The following MYOT variants were observed in gnomAD, a reference collection of about 807,000 sequenced individuals.
MYOT encodes the protein 57 kDa cytoskeletal protein.
Under a neutral mutation model 58.0 loss-of-function variants are expected in MYOT, and 36 were observed. The observed-to-expected ratio is 0.62, with a 90% CI of 0.48 to 0.82. The LOEUF (loss-of-function observed/expected upper bound fraction) is 0.82, where lower values mean the gene tolerates loss of function less well. Ranked by LOEUF, MYOT falls within the 40% of genes least tolerant of loss-of-function variation. The pLI, the probability that MYOT is intolerant of heterozygous loss-of-function variation, is 0.00. For missense variants in MYOT, 505 were observed against 592.1 expected, an observed-to-expected ratio of 0.85 and a Z score of 1.53; for synonymous variants, 218 against 204.6, an observed-to-expected ratio of 1.07 and a Z score of -0.56.
chr5:137,870,618 TA>T lies in MYOT; in HGVS notation c.-32del. The T allele has an allele frequency of 1.3e-6, 2 of 1,564,088 alleles. No individual in the cohort carries two copies. Among genetic ancestry groups the T allele is most frequent in the Non-Finnish European group, 8.8e-7 (1 of 1,134,608 alleles). ...TTCCAGGAACAAATCATTATAGTAA[TA>T]ATTTGCCTTCATCTTCCATATACCA... On this transcript the variant is annotated 5_prime_UTR_variant, in exon 2 of 10. Coordinates refer to ENST00000239926, the MANE Select transcript of MYOT (RefSeq NM_006790.3).
intron 2 of MYOT, among the ~76,000 whole-genome samples, chr5:137,873,550 A>G (rs918161059): frequency 6.6e-6 from 1 of 152,128 alleles, no homozygotes; most frequent in African/African-American, 2.4e-5. Flanking sequence ...CCGTCTCAAA[A>G]AAAAAAAAGT....
Position 137,872,201 on chromosome 5 carries a change from G to A in MYOT, c.356+1194G>A, listed in dbSNP as rs562553672. On this transcript the variant is annotated intron_variant, in intron 2 of 9. Coordinates refer to ENST00000239926, the MANE Select transcript of MYOT (RefSeq NM_006790.3). ...ACCTACAAAAATGGCATTCTCACAG[G>A]TTTAACCTAATATTTTAAAAGGATG... 3.9e-5 allele frequency among the ~76,000 whole-genome samples: 6 copies of A among 152,204 alleles called. No individual in the cohort carries two copies. In the South Asian group the frequency reaches 1.2e-3, roughly 32 times the overall value.
rs762111360 is a variant in MYOT at position 137,870,822 on chromosome 5, A to C, written c.171A>C (p.Thr57=). 5 of 1,613,972 alleles carry C rather than the reference A, an allele frequency of 3.1e-6. No individual in the cohort carries two copies. The African/African-American group carries it at 6.7e-5, about 22-fold the overall frequency. The change falls in exon 2 of 10, where the codon ACA becomes ACC. Residue 57 remains threonine, a synonymous_variant. Transcript: ENST00000239926. The stretch of plus-strand genomic sequence containing the variant: ...AGCAAAGATTTTCTGCCTCCTCAAC[A>C]CTGAGCTCTCACATCACCATGTCCT... The part of the protein sequence containing the change: ...CTEQRFSASS[T]LSSHITMSSS...
At chr5:137,878,266 G>C (rs896937461) in intron 4 of MYOT, among the ~76,000 whole-genome samples, 2 of 147,402 alleles carry the variant, frequency 1.4e-5, no homozygotes, top group Non-Finnish European at 3.0e-5. Flanking sequence ...CAGGCAGGCT[G>C]GAGTGCAGTG....
intron 4 of MYOT, among the ~76,000 whole-genome samples, chr5:137,878,342 C>A (rs953069906): frequency 1.3e-5 from 2 of 151,762 alleles, no homozygotes; most frequent in African/African-American, 4.8e-5. Context: ...CTCAGCCTCT[C>A]AAGTAGCTGG....
chr5:137,882,036 A>G lies in MYOT; in HGVS notation c.747A>G (p.Pro249=). ...ATGCAATCCAGGAGAAATTTTACCCACCACGTTTCATTCAAGTGCCAGAGA... is the reference window on the plus strand; with the variant it reads ...ATGCAATCCAGGAGAAATTTTACCCGCCACGTTTCATTCAAGTGCCAGAGA... The part of the protein sequence containing the change: ...DQDAIQEKFY[P]PRFIQVPENM... Residue 249 remains proline, a synonymous_variant, in exon 6 of 10, where the codon CCA becomes CCG. Transcript: ENST00000239926. The G allele has an allele frequency of 1.2e-6, 2 of 1,614,130 alleles. No homozygotes were observed. Among genetic ancestry groups the G allele is most frequent in the Non-Finnish European group, 1.7e-6 (2 of 1,179,930 alleles).
Position 137,883,523 on chromosome 5 carries a change from G to A in MYOT, c.956G>A (p.Gly319Glu), listed in dbSNP as rs1330407694. The A allele has an allele frequency of 3.7e-6, 6 of 1,614,098 alleles. No homozygotes were observed. The highest frequency in any genetic ancestry group is 5.1e-6 in the Non-Finnish European group (6 of 1,180,018). The change falls in exon 7 of 10, where the codon GGG becomes GAG. Residue 319 changes from glycine (G) to glutamate (E), a missense_variant. Transcript: ENST00000239926. ...GAAGTAGTCAGAGCTTCAGATGCAG[G>A]GGCTTATGCATGTGTTGCCAAGAAT... ...IFEVVRASDA[G>E]AYACVAKNRA...
chr5:137,886,628 C>T, intron 8 of MYOT: 1 of 567,798 alleles, frequency 1.8e-6, no homozygotes, highest in South Asian at 1.7e-5. Context: ...TAAATACAAA[C>T]ACAGACACAC....
chr5:137,874,236 G>A (rs1755138000), intron 2 of MYOT, among the ~76,000 whole-genome samples: 1 of 152,136 alleles, frequency 6.6e-6, no homozygotes. Context: ...GGAGGCCCAG[G>A]CAGGCAGATT....
intron 7 of MYOT, among the ~76,000 whole-genome samples, chr5:137,885,255 T>A (rs1028573261): frequency 6.6e-6 from 1 of 152,224 alleles, no homozygotes; most frequent in Non-Finnish European, 1.5e-5. Context: ...TTGTTTATTA[T>A]CTCATTTGTT....
intron 6 of MYOT, 118 bp from the exon 7 acceptor site, chr5:137,883,266 G>A (rs1226888869): frequency 5.0e-6 from 4 of 806,180 alleles, no homozygotes; most frequent in Non-Finnish European, 8.6e-6. Context: ...CTCTTGCTTT[G>A]CATTTCAATC....
intron 3 of MYOT, among the ~76,000 whole-genome samples, chr5:137,877,277 A>C (rs940293998): frequency 2.0e-5 from 3 of 148,928 alleles, no homozygotes; most frequent in Non-Finnish European, 4.5e-5. Flanking sequence ...CTGAGGCAGG[A>C]GAATGGCGTG....
chr5:137,876,200 G>A, intron 3 of MYOT, 197 bp downstream of exon 3: 1 of 591,686 alleles, frequency 1.7e-6, no homozygotes, highest in African/African-American at 1.9e-5. Context: ...AAAGAATGAA[G>A]CAAATGAAAA....
chr5:137,882,129 T>G (rs780194673), intron 6 of MYOT, 24 bp downstream of exon 6: 1 of 1,613,466 alleles, frequency 6.2e-7, no homozygotes, highest in Non-Finnish European at 8.5e-7. Context: ...TCAAAAGTAC[T>G]GGGGGAAAAT....
intron 2 of MYOT, among the ~76,000 whole-genome samples, chr5:137,874,240 G>A (rs1395580450): frequency 1.3e-5 from 2 of 152,148 alleles, no homozygotes; most frequent in African/African-American, 4.8e-5. Flanking sequence ...GCCCAGGCAG[G>A]CAGATTACCA....
chr5:137,877,623 T>A lies in MYOT; in HGVS notation c.633+2T>A. The A allele has an allele frequency of 2.5e-6, 4 of 1,592,892 alleles. No individual in the cohort carries two copies. In the South Asian group the frequency reaches 3.3e-5, roughly 13 times the overall value. On this transcript the variant is annotated splice_donor_variant, in intron 4 of 9. Coordinates refer to ENST00000239926, the MANE Select transcript of MYOT (RefSeq NM_006790.3). LOFTEE classifies it high-confidence loss of function. ...GACAGTGGTGCACAAGACTCGCAGG[T>A]AAGTTAAAATGCTCTAAGTGGAGTA...
chr5:137,881,541 G>A (rs529376524), intron 5 of MYOT, among the ~76,000 whole-genome samples: 1 of 152,232 alleles, frequency 6.6e-6, no homozygotes, highest in African/African-American at 2.4e-5. Flanking sequence ...GCACATGCCT[G>A]TAATCCCAGC....
rs1755195360 is a variant in MYOT at position 137,875,856 on chromosome 5, T to C, written c.384T>C (p.Pro128=). 6.2e-7 allele frequency: 1 copy of C among 1,614,082 alleles called. No homozygotes were observed. The highest frequency in any genetic ancestry group is 8.5e-7 in the Non-Finnish European group (1 of 1,179,992). The change falls in exon 3 of 10, where the codon CCT becomes CCC. Residue 128 remains proline, a synonymous_variant. Transcript: ENST00000239926. ...ATCAACAGTCCTCAGCTGGCCAACC[T>C]ATAAATGCAAAGCCATCCCAAACTG... The part of the protein sequence containing the change: ...SNYQQSSAGQ[P]INAKPSQTAN...
intron 4 of MYOT, among the ~76,000 whole-genome samples, chr5:137,879,613 C>T (rs944948233): frequency 1.3e-5 from 2 of 149,016 alleles, no homozygotes; most frequent in Admixed American, 1.3e-4. Flanking sequence ...CAAGCTCCGC[C>T]TCCCGGGTCC....
Sources: allele counts gnomAD v4.1 joint callset (sites outside exome capture counted in the v4.1 genomes callset), GRCh38; gene constraint gnomAD v4.1.1; transcripts MANE v1.5; gene names NCBI Gene and HGNC (gene_info 2026-07-23, HGNC 2026-07-21).